Variants in COL10A1 observed in about 807,000 individuals in gnomAD.
The protein encoded by COL10A1 is collagen type X alpha 1 chain.
COL10A1 carries 10 observed loss-of-function variants against 18.2 expected under a neutral mutation model. The ratio of observed to expected loss-of-function variants is 0.55; its 90% CI spans 0.34 to 0.93. COL10A1 has a LOEUF of 0.93. Among genes scored for constraint, COL10A1 ranks in the 40% least tolerant of loss-of-function variants. COL10A1 has a pLI of 0.02. For synonymous variants in COL10A1, 330 were observed against 316.6 expected (o/e 1.04, Z -0.45); for missense variants, 897 against 853.5 (o/e 1.05, Z -0.64).
At chr6:116,171,062 G>A in the COL10A1 span, among the ~76,000 whole-genome samples, 144 of 151,996 alleles carry the variant, frequency 9.5e-4, no homozygotes, top group Middle Eastern at 3.4e-3. Context: ...GTTTTTACTG[G>A]CCTGTAATAT....
intron 1 of COL10A1, among the ~76,000 whole-genome samples, chr6:116,131,487 C>G (rs1259557938): frequency 6.6e-6 from 1 of 152,072 alleles, no homozygotes; most frequent in Admixed American, 6.6e-5. Context: ...TTTTCTTGAC[C>G]TGAACTGCAG....
At chr6:116,212,345 C>A in the COL10A1 span, among the ~76,000 whole-genome samples, 2 of 152,068 alleles carry the variant, frequency 1.3e-5, no homozygotes, top group African/African-American at 4.8e-5. Context: ...TGCTTAACTA[C>A]TCTGTCTATG....
At chr6:116,169,783 G>A in the COL10A1 span, among the ~76,000 whole-genome samples, 1 of 152,164 alleles carries the variant, frequency 6.6e-6, no homozygotes, top group Non-Finnish European at 1.5e-5. Flanking sequence ...GAGTTCAGAG[G>A]ATTATCAATA....
At chr6:116,152,694 T>C (rs28673821) in intron 1 of COL10A1, among the ~76,000 whole-genome samples, 3,785 of 152,272 alleles carry the variant, frequency 0.025, 145 homozygotes, top group African/African-American at 0.085. Flanking sequence ...CTTCTCTTCT[T>C]TTTTCCTCCA....
At chr6:116,163,035 G>A (rs1780373415), upstream of COL10A1, among the ~76,000 whole-genome samples, 1 of 150,580 alleles carries the variant, frequency 6.6e-6, no homozygotes, top group South Asian at 2.1e-4. Flanking sequence ...GCTGAGGCAG[G>A]AGAATGGCGT....
At chr6:116,122,654 A>C (rs1446025092) in intron 2 of COL10A1, among the ~76,000 whole-genome samples, 1 of 152,186 alleles carries the variant, frequency 6.6e-6, no homozygotes, top group African/African-American at 2.4e-5. Context: ...TTAAACTAAA[A>C]ATCATAGTGC....
At chr6:116,187,053 G>GTGCT in the COL10A1 span, among the ~76,000 whole-genome samples, 1 of 152,016 alleles carries the variant, frequency 6.6e-6, no homozygotes, top group Non-Finnish European at 1.5e-5. Flanking sequence ...GTCCCACAGG[G>GTGCT]TGCTCCCTTG....
At chr6:116,133,149 A>G (rs1455326013) in intron 1 of COL10A1, among the ~76,000 whole-genome samples, 1 of 152,204 alleles carries the variant, frequency 6.6e-6, no homozygotes, top group Non-Finnish European at 1.5e-5. Flanking sequence ...TCGTGCGCCA[A>G]GTGCTTAATG....
the COL10A1 span, among the ~76,000 whole-genome samples, chr6:116,181,923 T>C: frequency 6.6e-6 from 1 of 152,126 alleles, no homozygotes; most frequent in Non-Finnish European, 1.5e-5. Context: ...GGTGGTTACA[T>C]GAATAAGTTC....
the COL10A1 span, among the ~76,000 whole-genome samples, chr6:116,174,470 C>T: frequency 1.4e-4 from 22 of 152,238 alleles, 1 homozygote; most frequent in East Asian, 4.0e-3. Context: ...TTAAATTATG[C>T]TCATAACTAG....
chr6:116,137,160 G>A (rs1363721846), intron 1 of COL10A1: 3 of 194,974 alleles, frequency 1.5e-5, no homozygotes, highest in Non-Finnish European at 2.4e-5. Flanking sequence ...CGTAGATGTG[G>A]CTGCCACCCC....
rs3051942 is a variant in COL10A1, at chr6:116,141,885, A to AACACACACACACACACACAC, written c.-15-16398_-15-16379dup. 2.3e-3 allele frequency among the ~76,000 whole-genome samples: 326 copies of AACACACACACACACACACAC among 140,388 alleles called. 1 individual carries two copies. The highest frequency in any genetic ancestry group is 8.3e-3 in the African/African-American group (310 of 37,456). The allele number at this position is 140,388 out of a possible 152,430, so 92.1% of individuals were successfully genotyped here. On this transcript the variant is annotated intron_variant, in intron 1 of 1. Transcript: ENST00000418500. ...GTAAAAGATTTTCTGCCAAAAAGAA[A>AACACACACACACACACACAC]ACACACACACACACACACACACACA... is the stretch of plus-strand genomic sequence containing the variant.
At position 116,121,187 on chromosome 6, in the gene COL10A1, CT is replaced by C. The variant is rs1562123906; in HGVS notation, c.928del (p.Arg310GlufsTer27). On this transcript the variant is annotated frameshift_variant, in exon 3 of 3. Transcript: ENST00000651968. LOFTEE classifies it high-confidence loss of function. The stretch of plus-strand genomic sequence containing the variant: ...ACCCCCAGGAAGGCCAGCAGGTCCT[CT>C]TTCTCCCTTCAGGCCTGGCAAGCCT... ...KPGLPGLKGE[R>X]GPAGLPGGPG... The C allele has an allele frequency of 6.2e-7, 1 of 1,613,318 alleles. No homozygotes were observed. The highest frequency in any genetic ancestry group is 2.2e-5 in the East Asian group (1 of 44,840).
At chr6:116,160,470 GT>G (rs140839434), upstream of COL10A1, among the ~76,000 whole-genome samples, 2 of 151,458 alleles carry the variant, frequency 1.3e-5, no homozygotes, top group South Asian at 2.1e-4. Context: ...AATTTTTGTG[GT>G]TTTTTTTCTT....
intron 1 of COL10A1, among the ~76,000 whole-genome samples, chr6:116,152,806 T>G (rs1045543280): frequency 1.3e-5 from 2 of 152,164 alleles, no homozygotes; most frequent in Admixed American, 1.3e-4. Context: ...CTTGATAAGG[T>G]CAACCAGAAA....
upstream of COL10A1, among the ~76,000 whole-genome samples, chr6:116,161,344 T>C (rs979534517): frequency 6.6e-6 from 1 of 151,130 alleles, no homozygotes; most frequent in Non-Finnish European, 1.5e-5. Flanking sequence ...AGTATAATAA[T>C]AATAAAAAAT....
At position 116,125,479 on chromosome 6, in the gene COL10A1, A is replaced by G. The variant is rs1779271408; in HGVS notation, c.14T>C (p.Ile5Thr). 1 of 1,613,880 alleles carries G rather than the reference A, an allele frequency of 6.2e-7. No individual in the cohort carries two copies. The highest frequency in any genetic ancestry group is 8.5e-7 in the Non-Finnish European group (1 of 1,179,826). Residue 5 changes from isoleucine (I) to threonine (T), a missense_variant, in exon 2 of 3, where the codon ATA (isoleucine) becomes ACA (threonine). Physicochemically the swap from Ile to Thr is moderately conservative, Grantham distance 89 (BLOSUM62 -1). Coordinates refer to ENST00000651968, the MANE Select transcript of COL10A1 (RefSeq NM_000493.4). MLPQ[I>T]PFLLLVSLNL... ...CAAGGATACTAGCAGCAAAAAGGGT[A>G]TTTGTGGCAGCATATTCTCAGATGG...
chr6:116,190,855 G>A, the COL10A1 span, among the ~76,000 whole-genome samples: 2 of 152,110 alleles, frequency 1.3e-5, no homozygotes, highest in African/African-American at 2.4e-5. Flanking sequence ...TCTCAGTTTC[G>A]TTGGGATGGG....
At chr6:116,182,218 G>GGAGAGAGA in the COL10A1 span, among the ~76,000 whole-genome samples, 2 of 133,330 alleles carry the variant, frequency 1.5e-5, no homozygotes, top group South Asian at 4.4e-4. Context: ...AGTATTCCAT[G>GGAGAGAGA]GAGAGTGTGT....
Sources: allele counts gnomAD v4.1 joint callset (sites outside exome capture counted in the v4.1 genomes callset), GRCh38; gene constraint gnomAD v4.1.1; transcripts MANE v1.5; gene names NCBI Gene and HGNC (gene_info 2026-07-23, HGNC 2026-07-21).